NHSL1: variants seen among roughly 807,000 people sequenced by gnomAD.
NHSL1 encodes NHS like 1, also known as NHS-like protein 1.
A neutral mutation model predicts 95.0 loss-of-function variants in NHSL1; 48 were observed. The observed-to-expected ratio is 0.51, with a 90% CI of 0.40 to 0.64. The LOEUF (loss-of-function observed/expected upper bound fraction) is 0.64, where lower values mean the gene tolerates loss of function less well. Among genes scored for constraint, NHSL1 ranks in the 30% least tolerant of loss-of-function variants. NHSL1 has a pLI of 0.00. For missense variants in NHSL1, 1,971 were observed against 2,077.7 expected (o/e 0.95, Z 1.00); for synonymous variants, 783 against 833.9 (o/e 0.94, Z 1.05).
At chr6:138,497,990 C>T (rs1780454932) in intron 1 of NHSL1, among the ~76,000 whole-genome samples, 1 of 152,214 alleles carries the variant, frequency 6.6e-6, no homozygotes, top group African/African-American at 2.4e-5. Context: ...CCTAGTATTT[C>T]ATGTAAACTC....
rs183932456 is a variant in NHSL1 at position 138,483,958 on chromosome 6, T to A, written c.212-10525A>T. Among the ~76,000 whole-genome samples the A allele has an allele frequency of 9.1e-4, 139 of 152,324 alleles. 1 individual carries two copies. The highest frequency in any genetic ancestry group is 3.1e-3 in the African/African-American group (127 of 41,582). The stretch of plus-strand genomic sequence containing the variant: ...TTTATCCTCAGCCACATTTTCCACC[T>A]TCATTAACCCAAGGCATATGACCTG... On this transcript the variant is annotated intron_variant, in intron 2 of 7. Coordinates refer to ENST00000343505, the MANE Select transcript of NHSL1 (RefSeq NM_001144060.2).
At position 138,431,903 on chromosome 6, in the gene NHSL1, G is replaced by A. The variant is rs754657545; in HGVS notation, c.2442C>T (p.Arg814=). The A allele has an allele frequency of 1.3e-6, 2 of 1,551,590 alleles. No individual in the cohort carries two copies. Among genetic ancestry groups the A allele is most frequent in the African/African-American group, 1.4e-5 (1 of 73,052 alleles). The change falls in exon 6 of 8, where the codon CGC becomes CGT. Residue 814 remains arginine, a synonymous_variant. Coordinates refer to ENST00000343505, the MANE Select transcript of NHSL1 (RefSeq NM_001144060.2). The surrounding 1 kb of genome is among the most constrained non-coding windows in gnomAD (Gnocchi z 4.0). ...TGGCTCTGGACCCTTCTTGGACATGGCGGACTGGCCCGTTCCCAGTGGGCA... is the reference window on the plus strand; with the variant it reads ...TGGCTCTGGACCCTTCTTGGACATGACGGACTGGCCCGTTCCCAGTGGGCA... ...SGVPTGNGPV[R]HVQEGSRATM... is the part of the protein sequence containing the mutation.
chr6:138,443,161 T>A (rs1303570575), intron 4 of NHSL1, among the ~76,000 whole-genome samples: 1 of 152,180 alleles, frequency 6.6e-6, no homozygotes, highest in Non-Finnish European at 1.5e-5. Context: ...ATATTCAATG[T>A]AGGTATATTG....
intron 1 of NHSL1, among the ~76,000 whole-genome samples, chr6:138,665,261 T>G (rs1292943507): frequency 6.6e-6 from 1 of 152,210 alleles, no homozygotes; most frequent in African/African-American, 2.4e-5. Context: ...ATTTTTCACT[T>G]CTGTGGCTTC....
At chr6:138,674,662 T>C (rs941483410) in intron 1 of NHSL1, among the ~76,000 whole-genome samples, 20 of 152,370 alleles carry the variant, frequency 1.3e-4, no homozygotes, top group African/African-American at 4.8e-4. Flanking sequence ...TTCCTTTTTA[T>C]GGCTGCATAG....
At position 138,423,250 on chromosome 6, in the gene NHSL1, C is replaced by T. The variant is rs1320546143; in HGVS notation, c.*831G>A. ...CACTTACTCCTTTCCAACCCTTCCC[C>T]TCTCTCTATGTCCACACCATCACTT... On this transcript the variant is annotated 3_prime_UTR_variant, in exon 8 of 8. Coordinates refer to ENST00000343505, the MANE Select transcript of NHSL1 (RefSeq NM_001144060.2). 1 of 152,160 alleles carries T rather than the reference C, an allele frequency of 6.6e-6. No homozygotes were observed. Among genetic ancestry groups the T allele is most frequent in the Admixed American group, 6.5e-5 (1 of 15,272 alleles). The allele number at this position is 152,160 out of a possible 1,614,324, so 9.4% of individuals were successfully genotyped here. A position where few individuals can be genotyped will look rare whatever the true frequency, so the allele number is the denominator to read the frequency against.
intron 2 of NHSL1, among the ~76,000 whole-genome samples, chr6:138,482,161 A>T (rs1454029837): frequency 6.6e-6 from 1 of 152,246 alleles, no homozygotes; most frequent in Non-Finnish European, 1.5e-5. Context: ...TAAAAAAAGA[A>T]GATGAAGCCG....
At chr6:138,599,155 T>C (rs563693282) in intron 1 of NHSL1, among the ~76,000 whole-genome samples, 1 of 152,374 alleles carries the variant, frequency 6.6e-6, no homozygotes, top group South Asian at 2.1e-4. Flanking sequence ...TTGGATTCTA[T>C]TACATATTTT....
At chr6:138,606,796 A>C (rs1318059827) in intron 1 of NHSL1, among the ~76,000 whole-genome samples, 1 of 143,008 alleles carries the variant, frequency 7.0e-6, no homozygotes, top group Non-Finnish European at 1.5e-5. Flanking sequence ...TCCGCCTCCC[A>C]GGTTCACGCC....
At chr6:138,453,371 T>C (rs1777366464) in intron 3 of NHSL1, among the ~76,000 whole-genome samples, 1 of 151,974 alleles carries the variant, frequency 6.6e-6, no homozygotes. Context: ...GTTGTTGTTT[T>C]TGAGATGAGG....
At chr6:138,455,457 G>GCTGCAAGGAGCCCCGCCTTCACATGCCCC in intron 3 of NHSL1, among the ~76,000 whole-genome samples, 1 of 112,724 alleles carries the variant, frequency 8.9e-6, no homozygotes, top group South Asian at 3.2e-4. Flanking sequence ...AAAGAAATGA[G>GCTGCAAGGAGCCCCGCCTTCACATGCCCC]CTGCAAGGAG....
chr6:138,465,241 C>G (rs1041437261), intron 3 of NHSL1, among the ~76,000 whole-genome samples: 2 of 152,092 alleles, frequency 1.3e-5, no homozygotes, highest in Non-Finnish European at 2.9e-5. Flanking sequence ...GTCCTGCAAG[C>G]TCACAGGGAA....
intron 1 of NHSL1, chr6:138,650,179 T>C (rs997284189): frequency 5.3e-6 from 3 of 562,184 alleles, no homozygotes; most frequent in Non-Finnish European, 1.0e-5. Context: ...GCCTCACTCA[T>C]GGTGGCCAGG....
At position 138,510,110 on chromosome 6, in the gene NHSL1, A is replaced by G. The variant is rs187203104; in HGVS notation, c.17-13739T>C. Among the ~76,000 whole-genome samples the G allele has an allele frequency of 1.8e-3, 269 of 152,362 alleles. 2 individuals carry two copies. The highest frequency in any genetic ancestry group is 6.2e-3 in the African/African-American group (259 of 41,578). On this transcript the variant is annotated intron_variant, in intron 1 of 4. Coordinates refer to the NHSL1 transcript ENST00000342260. ...AATCAATAAGTATAAAGATTTAGAG[A>G]AAAAGGATAGAGTTAATTATTTAGT...
At chr6:138,500,743 C>A (rs1425886132), upstream of NHSL1, among the ~76,000 whole-genome samples, 1 of 151,498 alleles carries the variant, frequency 6.6e-6, no homozygotes, top group African/African-American at 2.4e-5. Flanking sequence ...CAAAAGAACA[C>A]ATAGGGGAAA....
chr6:138,614,425 A>G (rs1456669437), intron 1 of NHSL1, among the ~76,000 whole-genome samples: 1 of 152,220 alleles, frequency 6.6e-6, no homozygotes, highest in Non-Finnish European at 1.5e-5. Context: ...TTACATGAGA[A>G]AAATAAACAT....
intron 1 of NHSL1, among the ~76,000 whole-genome samples, chr6:138,685,254 G>C (rs1294467713): frequency 6.6e-6 from 1 of 152,140 alleles, no homozygotes; most frequent in Non-Finnish European, 1.5e-5. Context: ...TTTTTAAGCA[G>C]GTTATCATTT....
chr6:138,600,672 A>C (rs1456285231), intron 1 of NHSL1, among the ~76,000 whole-genome samples: 3 of 152,234 alleles, frequency 2.0e-5, no homozygotes, highest in African/African-American at 7.2e-5. Flanking sequence ...TTAAATTCAG[A>C]GCTATACTTA....
intron 2 of NHSL1, among the ~76,000 whole-genome samples, chr6:138,483,779 C>T (rs144566085): frequency 6.6e-6 from 1 of 152,286 alleles, no homozygotes; most frequent in African/African-American, 2.4e-5. Flanking sequence ...GGTTTCTAAG[C>T]CCTACATGAT....
Sources: gnomAD v4.1 joint callset for allele counts (sites outside exome capture counted in the v4.1 genomes callset) on GRCh38, gnomAD v4.1.1 for gene constraint, Gnocchi (gnomAD v3.1) non-coding constraint, MANE v1.5 for transcripts, NCBI Gene and HGNC (gene_info 2026-07-23, HGNC 2026-07-21) for gene names.